HAP1: variants seen among roughly 807,000 people sequenced by gnomAD.
The protein encoded by HAP1 is huntingtin associated protein 1, also known as huntingtin-associated protein 1.
HAP1 carries 59 observed loss-of-function variants against 60.3 expected under a neutral mutation model. That is an observed-to-expected ratio of 0.98 (90% confidence interval 0.79 to 1.22). HAP1 has a LOEUF of 1.22. HAP1 is among the 50% of genes most tolerant of loss of function. The pLI, the probability that HAP1 is intolerant of heterozygous loss-of-function variation, is 0.00. For synonymous variants in HAP1, 346 were observed against 330.6 expected, an observed-to-expected ratio of 1.05 and a Z score of -0.50; for missense variants, 825 against 785.3, an observed-to-expected ratio of 1.05 and a Z score of -0.60.
downstream of HAP1, chr17:41,721,499 C>G (rs1401800641): frequency 5.7e-6 from 1 of 174,668 alleles, no homozygotes; most frequent in South Asian, 1.8e-4. Context: ...AGGTGTTCTC[C>G]TGCATCTCCG....
In HAP1 at chr17:41,724,590, G is replaced by A. The variant is rs1911451730; in HGVS notation, c.*111C>T. The A allele has an allele frequency of 1.3e-6, 1 of 749,874 alleles. No homozygotes were observed. Among genetic ancestry groups the A allele is most frequent in the South Asian group, 1.7e-5 (1 of 59,940 alleles). 46.5% of individuals were successfully genotyped at this position (749,874 alleles called of 1,614,324 possible). A position where few individuals can be genotyped will look rare whatever the true frequency, so the allele number is the denominator to read the frequency against. ...ACTGACACTACGGTTCCCACTGAAG[G>A]GGATCAGAGGTGTCTATGCAAATGA... On this transcript the variant is annotated 3_prime_UTR_variant, in exon 11 of 11. Transcript: ENST00000347901.
At position 41,732,376 on chromosome 17, in the gene HAP1, C is replaced by G. The variant is rs1176695305; in HGVS notation, c.568G>C (p.Glu190Gln). ...LLEELLPPVW[E>Q]SVTYGMVLQR... ...AGGACCATCCCATAGGTAACGCTCT[C>G]CCAGACAGGTGGGAGAAGCTGGGGG... The change falls in exon 3 of 11, where the codon GAG becomes CAG. Residue 190 changes from glutamate (E) to glutamine (Q), a missense_variant. Coordinates refer to ENST00000347901, the MANE Select transcript of HAP1 (RefSeq NM_177977.3). 2 of 1,613,966 alleles carry G rather than the reference C, an allele frequency of 1.2e-6. No homozygotes were observed. Among genetic ancestry groups the G allele is most frequent in the Non-Finnish European group, 1.7e-6 (2 of 1,180,004 alleles).
downstream of HAP1, among the ~76,000 whole-genome samples, chr17:41,718,435 C>G (rs971437560): frequency 6.6e-6 from 1 of 152,158 alleles, no homozygotes; most frequent in African/African-American, 2.4e-5. Flanking sequence ...CTCCTGCCCC[C>G]CTGGGCTGCC....
At position 41,727,745 on chromosome 17, in the gene HAP1, C is replaced by G; in HGVS notation, c.1275+17G>C. On this transcript the variant is annotated intron_variant, in intron 8 of 10. Coordinates refer to ENST00000347901, the MANE Select transcript of HAP1 (RefSeq NM_177977.3). ...CGGCTCTCCAGGGTGGGGGCAGAAG[C>G]CGGCAGCGAGACTCACCTCTTCCTG... 6.3e-7 allele frequency: 1 copy of G among 1,581,000 alleles called. No individual in the cohort carries two copies.
rs1911454141 is a variant in HAP1 at position 41,724,629 on chromosome 17, T to C, written c.*72A>G. On this transcript the variant is annotated 3_prime_UTR_variant, in exon 11 of 11. Transcript: ENST00000347901. Reference sequence around the variant, plus strand: ...CTATGCAAATGATATGCAAAGTCCATGCAAATAAGCACAGCAGGTAGAGCC... The same window carrying C: ...CTATGCAAATGATATGCAAAGTCCACGCAAATAAGCACAGCAGGTAGAGCC... The C allele has an allele frequency of 8.9e-7, 1 of 1,120,386 alleles. No homozygotes were observed. 69.4% of individuals were successfully genotyped at this position (1,120,386 alleles called of 1,614,324 possible).
chr17:41,728,149 G>A, intron 7 of HAP1, 52 bp downstream of exon 7: 1 of 1,596,476 alleles, frequency 6.3e-7, no homozygotes, highest in East Asian at 2.2e-5. Flanking sequence ...GAAGAAGGAA[G>A]CTAGGGTCCC....
rs782094896 is a variant in HAP1 at position 41,728,180 on chromosome 17, T to C, written c.1200+21A>G. 44 of 1,606,312 alleles carry C rather than the reference T, an allele frequency of 2.7e-5. No homozygotes were observed. In the East Asian group the frequency reaches 9.6e-4, roughly 35 times the overall value. ...GTCCCATGGGGCCACGACAAGAGGG[T>C]TCCACACACACCCGACTCACCATCC... On this transcript the variant is annotated intron_variant, in intron 7 of 10. Transcript: ENST00000347901.
intron 3 of HAP1, 43 bp from the exon 4 acceptor site, chr17:41,732,161 G>A (rs369933257): frequency 2.2e-5 from 35 of 1,610,090 alleles, no homozygotes; most frequent in Non-Finnish European, 2.8e-5. Flanking sequence ...AGTGGGCAGG[G>A]ACAGGAGAGG....
chr17:41,720,264 C>T (rs1035407600), downstream of HAP1, among the ~76,000 whole-genome samples: 4 of 151,390 alleles, frequency 2.6e-5, no homozygotes, highest in South Asian at 2.1e-4. Flanking sequence ...GGGGCAATCT[C>T]GGCTCACTGC....
intron 6 of HAP1, chr17:41,730,415 T>C (rs542489979): frequency 6.6e-6 from 1 of 152,042 alleles, no homozygotes; most frequent in South Asian, 2.1e-4. Context: ...CCAGGTTTGG[T>C]TTTAGAAAAC....
At position 41,726,016 on chromosome 17, in the gene HAP1, T is replaced by C; in HGVS notation, c.1368-119A>G. On this transcript the variant is annotated intron_variant, in intron 9 of 10. Transcript: ENST00000347901. ...CATGAGCAGTGGCTCACGCCTGTAA[T>C]CCCAGCACTTTGGGAGGCCGAGGTG... is the stretch of plus-strand genomic sequence containing the variant. 4 of 766,810 alleles carry C rather than the reference T, an allele frequency of 5.2e-6. No individual in the cohort carries two copies. The East Asian group carries it at 1.0e-4, about 20-fold the overall frequency. The allele number at this position is 766,810 out of a possible 1,614,324, so 47.5% of individuals were successfully genotyped here. A position where few individuals can be genotyped will look rare whatever the true frequency, so the allele number is the denominator to read the frequency against.
At chr17:41,728,161 T>TG (rs1911835084) in intron 7 of HAP1, 40 bp downstream of exon 7, 1 of 1,602,342 alleles carries the variant, frequency 6.2e-7, no homozygotes, top group Non-Finnish European at 8.5e-7. Flanking sequence ...TAGGGTCCCA[T>TG]GGGGCCACGA....
At chr17:41,727,372 C>A in intron 8 of HAP1, 1 of 780,634 alleles carries the variant, frequency 1.3e-6, no homozygotes, top group South Asian at 1.3e-5. Flanking sequence ...GTCTTCACCT[C>A]CTCCTGCATC....
intron 8 of HAP1, 160 bp from the exon 9 acceptor site, chr17:41,727,304 C>A: frequency 1.3e-6 from 1 of 780,686 alleles, no homozygotes; most frequent in Non-Finnish European, 2.4e-6. Flanking sequence ...TCACCAGAGG[C>A]ACGCTGTATG....
At chr17:41,725,285 G>A (rs1416504144) in intron 10 of HAP1, 131 bp from the exon 11 acceptor site, 5 of 741,362 alleles carry the variant, frequency 6.7e-6, no homozygotes, top group Non-Finnish European at 1.1e-5. Flanking sequence ...GGGGAGCTAG[G>A]TACCAGCTCC....
intron 2 of HAP1, 29 bp from the exon 3 acceptor site, chr17:41,732,423 G>A: frequency 6.2e-7 from 1 of 1,609,272 alleles, no homozygotes; most frequent in East Asian, 2.2e-5. Context: ...TCAGAGAGAG[G>A]CTAGGCCCCT....
rs138954565 is a variant in HAP1 at position 41,734,355 on chromosome 17, G to T, written c.280C>A (p.Arg94=). Residue 94 remains arginine, a synonymous_variant, in exon 1 of 11, where the codon CGG becomes AGG. Coordinates refer to ENST00000347901, the MANE Select transcript of HAP1 (RefSeq NM_177977.3). ...GCGTCCGAATTGTCGGGCATAGACC[G>T]GACATCCCCTTGGATGGCCGAGAAT... The part of the protein sequence containing the change: ...SAFSAIQGDV[R]SMPDNSDAPW... 9.3e-6 allele frequency: 15 copies of T among 1,608,612 alleles called. No individual in the cohort carries two copies. In the African/African-American group the frequency reaches 1.9e-4, roughly 20 times the overall value.
intron 3 of HAP1, 29 bp downstream of exon 3, chr17:41,732,201 C>T (rs998331353): frequency 6.2e-7 from 1 of 1,610,716 alleles, no homozygotes; most frequent in Non-Finnish European, 8.5e-7. Context: ...GTAGATTGGC[C>T]CGCTATCCTC....
rs200814203 is a variant in HAP1, at chr17:41,724,710, C to A, written c.1851G>T (p.Ser617=). Residue 617 remains serine, a synonymous_variant, in exon 11 of 11, where the codon TCG becomes TCT. Transcript: ENST00000347901. The part of the protein sequence containing the change: ...PAASRTSCRS[S]CR ...TATCCACCCTCTCTTTTCATCGGCA[C>A]GACGATCTGCAGCTTGTCCGGCTGG... 1.9e-6 allele frequency: 3 copies of A among 1,589,206 alleles called. No individual in the cohort carries two copies. In the East Asian group the frequency reaches 6.8e-5, roughly 36 times the overall value.
Sources: gnomAD v4.1 joint callset for allele counts (sites outside exome capture counted in the v4.1 genomes callset) on GRCh38, gnomAD v4.1.1 for gene constraint, MANE v1.5 for transcripts, NCBI Gene and HGNC (gene_info 2026-07-23, HGNC 2026-07-21) for gene names.